DLG2: variants seen among roughly 807,000 people sequenced by gnomAD.
The protein encoded by DLG2 is disks large homolog 2.
DLG2 carries 45 observed loss-of-function variants against 132.5 expected under a neutral mutation model. The observed-to-expected ratio is 0.34, with a 90% confidence interval of 0.27 to 0.44. DLG2 has a LOEUF of 0.44. Ranked by LOEUF, DLG2 falls within the 20% of genes least tolerant of loss-of-function variation. The pLI is 1.00. For synonymous variants in DLG2, 424 were observed against 419.6 expected (o/e 1.01, Z -0.13); for missense variants, 1,045 against 1,196.9 (o/e 0.87, Z 1.87).
intron 3 of DLG2, among the ~76,000 whole-genome samples, chr11:85,328,638 G>C (rs1292081658): frequency 9.2e-5 from 13 of 141,098 alleles, no homozygotes; most frequent in African/African-American, 3.5e-4. Flanking sequence ...AATAATAAGA[G>C]CTATCTATGA....
intron 7 of DLG2, among the ~76,000 whole-genome samples, chr11:84,492,101 A>T (rs2154497567): frequency 6.6e-6 from 1 of 152,278 alleles, no homozygotes. Flanking sequence ...TTAATTTTAT[A>T]CATGAGAGAT....
chr11:83,461,311 C>A (rs145872159), intron 27 of DLG2, among the ~76,000 whole-genome samples: 5 of 151,978 alleles, frequency 3.3e-5, no homozygotes, highest in African/African-American at 1.2e-4. Flanking sequence ...CTCGAAAGTT[C>A]TTGTTTTTAA....
intron 7 of DLG2, among the ~76,000 whole-genome samples, chr11:84,314,847 G>A (rs1053537952): frequency 1.3e-5 from 2 of 151,976 alleles, no homozygotes; most frequent in African/African-American, 4.8e-5. Context: ...TTAACATAAT[G>A]TATTTGAAAG....
chr11:83,489,338 C>T (rs2093707555), intron 21 of DLG2, among the ~76,000 whole-genome samples: 1 of 152,044 alleles, frequency 6.6e-6, no homozygotes, highest in East Asian at 1.9e-4. Context: ...ACAAGACAAA[C>T]TATCTGATTT....
At chr11:84,840,209 C>T (rs1002155785) in intron 6 of DLG2, among the ~76,000 whole-genome samples, 2 of 152,120 alleles carry the variant, frequency 1.3e-5, no homozygotes, top group African/African-American at 2.4e-5. Context: ...CAAAAGAAGA[C>T]GTTTATGCAG....
chr11:85,126,201 T>C (rs2152388337), intron 5 of DLG2, among the ~76,000 whole-genome samples: 1 of 152,318 alleles, frequency 6.6e-6, no homozygotes, highest in Admixed American at 6.5e-5. Context: ...ATTTAAAAGA[T>C]GGTCTCGTCC....
intron 7 of DLG2, among the ~76,000 whole-genome samples, chr11:84,253,956 T>C (rs1293361874): frequency 6.6e-5 from 10 of 152,116 alleles, no homozygotes. Flanking sequence ...AAGACCACCC[T>C]GAAGGCAAAA....
intron 7 of DLG2, among the ~76,000 whole-genome samples, chr11:84,527,621 T>A (rs1475165905): frequency 6.6e-6 from 1 of 152,180 alleles, no homozygotes; most frequent in African/African-American, 2.4e-5. Flanking sequence ...TTAAAGTAAT[T>A]CACACCAATT....
chr11:84,633,678 G>A (rs73511185), intron 6 of DLG2, among the ~76,000 whole-genome samples: 1 of 151,902 alleles, frequency 6.6e-6, no homozygotes, highest in African/African-American at 2.4e-5. Flanking sequence ...TATTGATACA[G>A]AGCCTGTCAC....
chr11:85,023,533 TATAA>T (rs200639476), intron 6 of DLG2, among the ~76,000 whole-genome samples: 2,236 of 152,172 alleles, frequency 0.015, 60 homozygotes, highest in African/African-American at 0.05. Flanking sequence ...TTTGAATTAA[TATAA>T]ATATTTAGAG....
intron 4 of DLG2, among the ~76,000 whole-genome samples, chr11:85,174,804 A>G (rs1267755138): frequency 6.6e-6 from 1 of 152,196 alleles, no homozygotes; most frequent in African/African-American, 2.4e-5. Flanking sequence ...CCCCATAGAA[A>G]TACAAACAAC....
chr11:84,443,720 A>G (rs1245888371), intron 7 of DLG2, among the ~76,000 whole-genome samples: 1 of 152,084 alleles, frequency 6.6e-6, no homozygotes, highest in East Asian at 1.9e-4. Flanking sequence ...CCCCTTGCCC[A>G]TTTTTAAATA....
intron 18 of DLG2, among the ~76,000 whole-genome samples, chr11:83,641,862 A>AGTGTGTGTGTGTGTGT (rs34754104): frequency 8.1e-5 from 12 of 147,926 alleles, no homozygotes; most frequent in African/African-American, 2.7e-4. Flanking sequence ...AGAGAGAGGG[A>AGTGTGTGTGTGTGTGT]GTGTGTGTGT....
intron 3 of DLG2, among the ~76,000 whole-genome samples, chr11:85,384,033 C>T (rs568591172): frequency 2.0e-5 from 3 of 152,266 alleles, no homozygotes; most frequent in Admixed American, 6.5e-5. Flanking sequence ...TAAACTGTCT[C>T]CTAGTTAATA....
chr11:84,103,080 A>G (rs1394330836), intron 9 of DLG2, among the ~76,000 whole-genome samples: 1 of 152,090 alleles, frequency 6.6e-6, no homozygotes, highest in Non-Finnish European at 1.5e-5. Flanking sequence ...TTCAATTAAA[A>G]CTAGTCTACC....
At chr11:83,733,708 A>G (rs2091422181) in intron 18 of DLG2, among the ~76,000 whole-genome samples, 2 of 152,144 alleles carry the variant, frequency 1.3e-5, no homozygotes, top group Admixed American at 6.5e-5. Context: ...CTAGCAATCA[A>G]CTTCAAATCC....
chr11:83,761,380 G>A (rs1247883125), intron 18 of DLG2, among the ~76,000 whole-genome samples: 10 of 152,102 alleles, frequency 6.6e-5, no homozygotes, highest in Admixed American at 3.3e-4. Context: ...AATTCACTTC[G>A]AGTTCTATTA....
In DLG2 at chr11:84,293,561, C is replaced by T. The variant is rs371680323; in HGVS notation, c.520-42270G>A. On this transcript the variant is annotated intron_variant, in intron 7 of 27. Coordinates refer to ENST00000376104, the MANE Select transcript of DLG2 (RefSeq NM_001142699.3). ...TAGTGGCAGGCACCTGTAATATCAG[C>T]TACTTGGGAGGCTGAGGTAGGAGAA... Among the ~76,000 whole-genome samples the T allele has an allele frequency of 3.9e-5, 6 of 152,206 alleles. No homozygotes were observed. In the East Asian group the frequency reaches 9.7e-4, roughly 25 times the overall value.
At chr11:85,197,804 A>G (rs1178910046) in intron 4 of DLG2, among the ~76,000 whole-genome samples, 1 of 152,174 alleles carries the variant, frequency 6.6e-6, no homozygotes, top group Admixed American at 6.5e-5. Flanking sequence ...ACATCCCTGG[A>G]CAATTTCAGA....
Sources: gnomAD v4.1 joint callset for allele counts (sites outside exome capture counted in the v4.1 genomes callset) on GRCh38, gnomAD v4.1.1 for gene constraint, MANE v1.5 for transcripts, NCBI Gene and HGNC (gene_info 2026-07-23, HGNC 2026-07-21) for gene names.